CUBN: variants seen among roughly 807,000 people sequenced by gnomAD.
CUBN encodes 460 kDa receptor.
CUBN carries 282 observed loss-of-function variants against 405.3 expected under a neutral mutation model. The observed-to-expected ratio is 0.70, with a 90% CI of 0.63 to 0.77. The LOEUF (loss-of-function observed/expected upper bound fraction) is 0.77, where lower values mean the gene tolerates loss of function less well. Ranked by LOEUF, CUBN falls within the 30% of genes least tolerant of loss-of-function variation. The probability of loss-of-function intolerance (pLI) is 0.00; values close to 1 mark genes in which losing one functional copy is unlikely to be tolerated. For synonymous variants in CUBN, 1,684 were observed against 1,617.0 expected (o/e 1.04, Z -0.99); for missense variants, 4,514 against 4,475.2 (o/e 1.01, Z -0.25).
intron 9 of CUBN, 152 bp downstream of exon 9, chr10:17,110,767 C>T: frequency 8.6e-7 from 1 of 1,157,578 alleles, no homozygotes; most frequent in African/African-American, 1.5e-5. Flanking sequence ...ATGTGATCTG[C>T]CCACCTCAGC....
At chr10:16,950,134 C>G (rs756020196) in intron 33 of CUBN, 23 bp from the exon 34 acceptor site, 1 of 1,557,982 alleles carries the variant, frequency 6.4e-7, no homozygotes, top group South Asian at 1.1e-5. Context: ...AGAGAAGACT[C>G]TCTCGTAAAG....
chr10:16,872,842 A>G (rs1840400516), intron 58 of CUBN, among the ~76,000 whole-genome samples: 1 of 152,160 alleles, frequency 6.6e-6, no homozygotes, highest in Admixed American at 6.5e-5. Context: ...TGGCCATCTG[A>G]CAGTTTCTGT....
intron 31 of CUBN, among the ~76,000 whole-genome samples, chr10:16,968,855 G>A (rs1843473156): frequency 6.6e-6 from 1 of 152,226 alleles, no homozygotes; most frequent in African/African-American, 2.4e-5. Flanking sequence ...TCCTTAGCAA[G>A]AAATGCTCCT....
intron 10 of CUBN, among the ~76,000 whole-genome samples, chr10:17,106,958 A>C (rs112821550): frequency 2.0e-4 from 31 of 152,334 alleles, no homozygotes; most frequent in African/African-American, 7.2e-4. Context: ...CATCAACAAA[A>C]TACCAGCACC....
intron 17 of CUBN, among the ~76,000 whole-genome samples, chr10:17,073,699 GACT>G (rs200561388): frequency 0.051 from 7,775 of 152,106 alleles, 584 homozygotes; most frequent in African/African-American, 0.17. Context: ...ACCCACCTCG[GACT>G]CCCAAAGTGC....
At chr10:16,858,310 T>C (rs1439300160) in intron 59 of CUBN, among the ~76,000 whole-genome samples, 1 of 152,128 alleles carries the variant, frequency 6.6e-6, no homozygotes, top group Admixed American at 6.5e-5. Context: ...GCTTAACTTA[T>C]TTTTATTTTT....
intron 41 of CUBN, among the ~76,000 whole-genome samples, chr10:16,926,136 G>T (rs1182221120): frequency 6.6e-6 from 1 of 152,122 alleles, no homozygotes; most frequent in Admixed American, 6.6e-5. Context: ...GTACTTTATT[G>T]TTAGAGTTAA....
intron 56 of CUBN, among the ~76,000 whole-genome samples, chr10:16,879,011 T>C (rs564177802): frequency 6.6e-6 from 1 of 152,266 alleles, no homozygotes; most frequent in East Asian, 1.9e-4. Flanking sequence ...TTATGGATAA[T>C]GCTGCTATGA....
intron 54 of CUBN, among the ~76,000 whole-genome samples, chr10:16,893,085 T>C (rs1184302909): frequency 6.6e-6 from 1 of 152,224 alleles, no homozygotes; most frequent in Non-Finnish European, 1.5e-5. Context: ...TCATCAAAAC[T>C]ATATTGAACC....
intron 14 of CUBN, among the ~76,000 whole-genome samples, chr10:17,097,088 A>C (rs1352099330): frequency 6.6e-6 from 1 of 152,154 alleles, no homozygotes; most frequent in Non-Finnish European, 1.5e-5. Flanking sequence ...CAAGGGAAGA[A>C]AATGATAAAA....
rs760702450 is a variant in CUBN at position 16,984,284 on chromosome 10, C to T, written c.4351-5G>A. 6.2e-7 allele frequency: 1 copy of T among 1,613,730 alleles called. No homozygotes were observed. The highest frequency in any genetic ancestry group is 8.5e-7 in the Non-Finnish European group (1 of 1,179,666). ...GAAATCGGGGCCTCCATAGATCTAACATGGGATGTAGGAAAAAAGACTTTA... is the reference window on the plus strand; with the variant it reads ...GAAATCGGGGCCTCCATAGATCTAATATGGGATGTAGGAAAAAAGACTTTA... On this transcript the variant is annotated splice_region_variant and splice_polypyrimidine_tract_variant and intron_variant, in intron 29 of 66. Transcript: ENST00000377833.
intron 43 of CUBN, among the ~76,000 whole-genome samples, chr10:16,921,698 G>A (rs890364189): frequency 1.3e-5 from 2 of 152,176 alleles, no homozygotes; most frequent in African/African-American, 4.8e-5. Context: ...GGGCTTCCCT[G>A]ACATTGCTGG....
At chr10:17,057,202 G>A (rs994514511) in intron 22 of CUBN, among the ~76,000 whole-genome samples, 5 of 152,150 alleles carry the variant, frequency 3.3e-5, no homozygotes, top group East Asian at 1.9e-4. Context: ...TTCCAGCTCC[G>A]TGACTGCTCC....
chr10:16,827,493 T>C (rs1301556048), intron 66 of CUBN, among the ~76,000 whole-genome samples: 1 of 152,250 alleles, frequency 6.6e-6, no homozygotes, highest in Non-Finnish European at 1.5e-5. Flanking sequence ...ACCATCTAGA[T>C]TTCCAGCTGA....
intron 31 of CUBN, among the ~76,000 whole-genome samples, chr10:16,967,557 T>C (rs531472114): frequency 1.0e-3 from 156 of 152,168 alleles, no homozygotes; most frequent in African/African-American, 3.6e-3. Context: ...GCAAAGTAGC[T>C]AAGCATGTTA....
chr10:17,029,002 G>C (rs1327811868), intron 27 of CUBN, among the ~76,000 whole-genome samples: 3 of 152,234 alleles, frequency 2.0e-5, no homozygotes, highest in Non-Finnish European at 4.4e-5. Flanking sequence ...TCGCCAGTCT[G>C]AGGAGCAGAG....
intron 31 of CUBN, among the ~76,000 whole-genome samples, chr10:16,973,303 G>A (rs986770319): frequency 1.3e-5 from 2 of 152,108 alleles, no homozygotes; most frequent in Non-Finnish European, 2.9e-5. Flanking sequence ...CAGTGTGAAC[G>A]CTTCCCTGGC....
chr10:17,029,390 A>G (rs1834740887), intron 27 of CUBN, among the ~76,000 whole-genome samples: 1 of 152,184 alleles, frequency 6.6e-6, no homozygotes, highest in Non-Finnish European at 1.5e-5. Context: ...TACTCAGGCA[A>G]TCTTAAAACC....
intron 58 of CUBN, among the ~76,000 whole-genome samples, chr10:16,872,546 T>C (rs1298339565): frequency 6.6e-6 from 1 of 152,092 alleles, no homozygotes; most frequent in Non-Finnish European, 1.5e-5. Context: ...GGATTAGTGT[T>C]TTATAAGAGG....
Sources: gnomAD v4.1 joint callset for allele counts (sites outside exome capture counted in the v4.1 genomes callset) on GRCh38, gnomAD v4.1.1 for gene constraint, MANE v1.5 for transcripts, NCBI Gene and HGNC (gene_info 2026-07-23, HGNC 2026-07-21) for gene names.